The following TASOR variants were observed in gnomAD, a reference collection of about 807,000 sequenced individuals.
TASOR encodes transcription activation suppressor.
A neutral mutation model predicts 178.6 loss-of-function variants in TASOR; 53 were observed. The observed-to-expected ratio is 0.30, with a 90% CI of 0.24 to 0.37. The LOEUF (loss-of-function observed/expected upper bound fraction) is 0.37. Among genes scored for constraint, TASOR ranks in the 10% least tolerant of loss-of-function variants. TASOR has a pLI of 1.00. For synonymous variants in TASOR, 713 were observed against 696.2 expected, an observed-to-expected ratio of 1.02 and a Z score of -0.38; for missense variants, 1,815 against 1,971.4, an observed-to-expected ratio of 0.92 and a Z score of 1.50.
chr3:56,629,550 T>G (rs1378097162), intron 18 of TASOR, among the ~76,000 whole-genome samples: 1 of 152,222 alleles, frequency 6.6e-6, no homozygotes, highest in Admixed American at 6.5e-5. Context: ...TCTGTCAAGT[T>G]TCTGTCTTCA....
At chr3:56,626,340 C>T (rs2076798470) in intron 21 of TASOR, among the ~76,000 whole-genome samples, 1 of 152,142 alleles carries the variant, frequency 6.6e-6, no homozygotes, top group Non-Finnish European at 1.5e-5. Flanking sequence ...AATCACTTCA[C>T]CAGGTCAAGA....
chr3:56,638,834 A>G, intron 16 of TASOR, 69 bp from the exon 17 acceptor site: 1 of 1,426,174 alleles, frequency 7.0e-7, no homozygotes. Flanking sequence ...CTTTCAGACA[A>G]CCCCAAGTGA....
chr3:56,672,993 G>A (rs779804764), intron 2 of TASOR, among the ~76,000 whole-genome samples: 12 of 151,714 alleles, frequency 7.9e-5, no homozygotes, highest in Admixed American at 2.6e-4. Context: ...GCTAATTTTC[G>A]TAGAGACGGG....
chr3:56,628,744 A>C, intron 18 of TASOR, 130 bp from the exon 19 acceptor site: 3 of 596,640 alleles, frequency 5.0e-6, no homozygotes, highest in Non-Finnish European at 5.5e-6. Context: ...ATGAACTTAC[A>C]CTCTAAGAGA....
At chr3:56,682,312 T>C (rs1320198171) in intron 1 of TASOR, among the ~76,000 whole-genome samples, 1 of 152,156 alleles carries the variant, frequency 6.6e-6, no homozygotes, top group African/African-American at 2.4e-5. Context: ...CACGGGCTAT[T>C]TCCATAGCGA....
At chr3:56,650,077 A>G (rs2077318892) in intron 11 of TASOR, among the ~76,000 whole-genome samples, 2 of 152,218 alleles carry the variant, frequency 1.3e-5, no homozygotes, top group East Asian at 3.8e-4. Context: ...CAGAAAAACA[A>G]TCTAATGCAA....
At chr3:56,681,533 T>C (rs1413064881) in intron 1 of TASOR, among the ~76,000 whole-genome samples, 1 of 152,096 alleles carries the variant, frequency 6.6e-6, no homozygotes, top group African/African-American at 2.4e-5. Flanking sequence ...CTCAAACAAT[T>C]CCAGTAGTGC....
intron 18 of TASOR, among the ~76,000 whole-genome samples, chr3:56,629,425 A>G (rs1223520763): frequency 6.6e-6 from 1 of 152,166 alleles, no homozygotes; most frequent in African/African-American, 2.4e-5. Flanking sequence ...TAACTGGGAT[A>G]AACGCCTTCA....
In TASOR at chr3:56,671,672, T is replaced by G. The variant is rs1360887133; in HGVS notation, c.498A>C (p.Glu166Asp). Residue 166 changes from glutamate (E) to aspartate (D), a missense_variant, in exon 3 of 24, where the codon GAA (glutamate) becomes GAC (aspartate). Physicochemically the swap from Glu to Asp is conservative, Grantham distance 45. Transcript: ENST00000683822. ...TATCTAAACGACCATCAAACTTCAG[T>G]TCTCTTCGCTTTTCTGTAAACTAAA... ...LEKEFTEKRR[E>D]LKFDGRLDKE... 1.3e-6 allele frequency: 2 copies of G among 1,549,392 alleles called. No homozygotes were observed. The highest frequency in any genetic ancestry group is 2.7e-5 in the African/African-American group (2 of 73,120).
In TASOR at chr3:56,653,626, T is replaced by C. The variant is rs566010972; in HGVS notation, c.1369-4569A>G. ...TTGTGTACCCAGCACCCAATGATTA[T>C]AGATTATACATTTTTCTCAAACACA... On this transcript the variant is annotated intron_variant, in intron 11 of 23. Transcript: ENST00000683822. Among the ~76,000 whole-genome samples, 236 of 152,146 alleles carry C rather than the reference T, an allele frequency of 1.6e-3. 1 individual carries two copies. The highest frequency in any genetic ancestry group is 2.8e-3 in the Non-Finnish European group (193 of 68,020).
intron 16 of TASOR, among the ~76,000 whole-genome samples, chr3:56,639,761 C>T (rs1313413858): frequency 6.6e-6 from 1 of 152,050 alleles, no homozygotes; most frequent in Non-Finnish European, 1.5e-5. Flanking sequence ...GTCTTAAATC[C>T]CTGTTTTTAA....
chr3:56,646,117 C>T lies in TASOR; in HGVS notation c.2215+405G>A, dbSNP rs888261513. 4.6e-5 allele frequency among the ~76,000 whole-genome samples: 7 copies of T among 152,270 alleles called. 1 individual carries two copies. The highest frequency in any genetic ancestry group is 1.3e-4 in the Admixed American group (2 of 15,298). On this transcript the variant is annotated intron_variant, in intron 14 of 23. Transcript: ENST00000683822. ...GAGCCGAGATCATGCCACTACACTCCAGCCTTGGGGAGACATCAAGACTCC... is the reference window on the plus strand; with the variant it reads ...GAGCCGAGATCATGCCACTACACTCTAGCCTTGGGGAGACATCAAGACTCC...
chr3:56,657,867 C>T (rs1022979521), intron 11 of TASOR, among the ~76,000 whole-genome samples: 2 of 152,148 alleles, frequency 1.3e-5, no homozygotes, highest in African/African-American at 4.8e-5. Context: ...TGCCTCTTCC[C>T]TTTTATAAGC....
In TASOR at chr3:56,647,170, C is replaced by T; in HGVS notation, c.1567G>A (p.Asp523Asn). ...AAAAACTGAGCTATTTTTAATACATCTGGCATGCTCTCATGCCTCTCCTGT... is the reference window on the plus strand; with the variant it reads ...AAAAACTGAGCTATTTTTAATACATTTGGCATGCTCTCATGCCTCTCCTGT... ...APQERHESMP[D>N]VLKIAQFLQF... is the part of the protein sequence containing the mutation. Residue 523 changes from aspartate to asparagine, a missense_variant, in exon 14 of 24, where the codon GAT becomes AAT. By Grantham distance (23) the Asp-to-Asn change is conservative. This residue lies in a region of TASOR where 504 missense variants were observed against 645.3 expected (regional missense o/e 0.78). Coordinates refer to ENST00000683822, the MANE Select transcript of TASOR (RefSeq NM_001365635.2). The T allele has an allele frequency of 1.9e-6, 3 of 1,591,262 alleles. No homozygotes were observed. Among genetic ancestry groups the T allele is most frequent in the Non-Finnish European group, 2.6e-6 (3 of 1,173,460 alleles).
At chr3:56,656,536 A>G (rs1362827859) in intron 11 of TASOR, among the ~76,000 whole-genome samples, 1 of 152,078 alleles carries the variant, frequency 6.6e-6, no homozygotes, top group Non-Finnish European at 1.5e-5. Flanking sequence ...GGTTGCAGTG[A>G]GCTGAGATCA....
intron 14 of TASOR, among the ~76,000 whole-genome samples, chr3:56,644,027 G>A (rs1481926836): frequency 6.6e-6 from 1 of 151,970 alleles, no homozygotes; most frequent in Non-Finnish European, 1.5e-5. Flanking sequence ...CACAGAATTA[G>A]TTACCAACAA....
chr3:56,666,644 G>C (rs988567234), intron 6 of TASOR, among the ~76,000 whole-genome samples: 1 of 151,838 alleles, frequency 6.6e-6, no homozygotes, highest in South Asian at 2.1e-4. Context: ...GTTGACCACC[G>C]GGAGTTTCCT....
chr3:56,662,130 CAAA>C (rs766914234), intron 9 of TASOR, among the ~76,000 whole-genome samples: 2 of 88,540 alleles, frequency 2.3e-5, no homozygotes, highest in African/African-American at 4.3e-5. Context: ...AACTCCGTCT[CAAA>C]AAAAAAAAAA....
At position 56,660,489 on chromosome 3, in the gene TASOR, C is replaced by CAAAA. The variant is rs35016053; in HGVS notation, c.1368+238_1368+241dup. ...CTGGTGAGACAGCAAGACTCCGTCT[C>CAAAA]AAAAAAAAAAAAAAAAAAAAGATAT... On this transcript the variant is annotated intron_variant, in intron 11 of 23. Transcript: ENST00000683822. Among the ~76,000 whole-genome samples, 510 of 66,010 alleles carry CAAAA rather than the reference C, an allele frequency of 7.7e-3. 4 individuals are homozygous for CAAAA. Among genetic ancestry groups the CAAAA allele is most frequent in the African/African-American group, 0.022 (430 of 19,618 alleles). The allele number at this position is 66,010 out of a possible 152,430, so 43.3% of individuals were successfully genotyped here. A position where few individuals can be genotyped will look rare whatever the true frequency, so the allele number is the denominator to read the frequency against.
Sources: gnomAD v4.1 joint callset for allele counts (sites outside exome capture counted in the v4.1 genomes callset) on GRCh38, gnomAD v4.1.1 for gene constraint, gnomAD v4.1.1 regional missense constraint, MANE v1.5 for transcripts, NCBI Gene and HGNC (gene_info 2026-07-23, HGNC 2026-07-21) for gene names.